Variants in SLC9C2 observed in about 807,000 individuals in gnomAD.
SLC9C2 encodes the protein solute carrier family 9 member C2 (putative).
In SLC9C2, 75 loss-of-function variants were observed where a neutral mutation model predicts 140.2. The ratio of observed to expected loss-of-function variants is 0.53; its 90% CI spans 0.44 to 0.65. The LOEUF (loss-of-function observed/expected upper bound fraction) is 0.65. Among genes scored for constraint, SLC9C2 ranks in the 30% least tolerant of loss-of-function variants. The pLI, the probability that SLC9C2 is intolerant of heterozygous loss-of-function variation, is 0.00. For missense variants in SLC9C2, 1,074 were observed against 1,331.8 expected, an observed-to-expected ratio of 0.81 and a Z score of 3.01; for synonymous variants, 375 against 420.9, an observed-to-expected ratio of 0.89 and a Z score of 1.34.
intron 9 of SLC9C2, among the ~76,000 whole-genome samples, chr1:173,572,182 T>G (rs1477290821): frequency 6.6e-6 from 1 of 152,134 alleles, no homozygotes; most frequent in Non-Finnish European, 1.5e-5. Flanking sequence ...AACACCTAAA[T>G]TATACTAGGG....
At position 173,514,786 on chromosome 1, in the gene SLC9C2, G is replaced by A. The variant is rs188571063; in HGVS notation, c.2907+2751C>T. ...ATTTGGAGTGTTTTTGCAGTGGCTGGTACCAGTTGTTCCTTTCCATATTTA... is the reference window on the plus strand; with the variant it reads ...ATTTGGAGTGTTTTTGCAGTGGCTGATACCAGTTGTTCCTTTCCATATTTA... On this transcript the variant is annotated intron_variant, in intron 23 of 27. Transcript: ENST00000367714. Among the ~76,000 whole-genome samples, 5 of 152,288 alleles carry A rather than the reference G, an allele frequency of 3.3e-5. No homozygotes were observed. In the East Asian group the frequency reaches 9.6e-4, roughly 29 times the overall value.
At chr1:173,555,322 A>G (rs1369446035) in intron 10 of SLC9C2, 1 of 152,608 alleles carries the variant, frequency 6.6e-6, no homozygotes, top group East Asian at 1.9e-4. Context: ...GAGAAAGGTA[A>G]TATTTGTAGG....
chr1:173,581,778 T>C, intron 7 of SLC9C2, 69 bp downstream of exon 7: 7 of 1,317,550 alleles, frequency 5.3e-6, no homozygotes, highest in Non-Finnish European at 7.0e-6. Flanking sequence ...GGATTCAAGA[T>C]CAGGAAAAAA....
At chr1:173,503,129 G>T (rs1659395812) in intron 27 of SLC9C2, 137 bp downstream of exon 27, 1 of 583,226 alleles carries the variant, frequency 1.7e-6, no homozygotes, top group Non-Finnish European at 2.9e-6. Flanking sequence ...ATTCTAATTT[G>T]TCCAAATTAA....
At chr1:173,527,318 C>T (rs1455619577) in intron 18 of SLC9C2, among the ~76,000 whole-genome samples, 1 of 152,124 alleles carries the variant, frequency 6.6e-6, no homozygotes, top group Non-Finnish European at 1.5e-5. Flanking sequence ...ACTACCTTGC[C>T]TAATAGTTAT....
chr1:173,538,287 T>C lies in SLC9C2; in HGVS notation c.1558-1248A>G, dbSNP rs571333736. ...TAGGATGTCCACTGTGAGAAAACTA[T>C]GTCCCAGAAGTTCAGTCCTGAGGCC... is the stretch of plus-strand genomic sequence containing the variant. On this transcript the variant is annotated intron_variant, in intron 13 of 27. Coordinates refer to ENST00000367714, the MANE Select transcript of SLC9C2 (RefSeq NM_178527.4). Among the ~76,000 whole-genome samples, 7 of 152,322 alleles carry C rather than the reference T, an allele frequency of 4.6e-5. No homozygotes were observed. In the East Asian group the frequency reaches 9.6e-4, roughly 21 times the overall value.
chr1:173,558,823 A>T (rs1044951369), intron 9 of SLC9C2, among the ~76,000 whole-genome samples: 3 of 152,164 alleles, frequency 2.0e-5, no homozygotes, highest in Admixed American at 6.5e-5. Context: ...ACCCACACAC[A>T]CTTCGAGGGC....
intron 5 of SLC9C2, among the ~76,000 whole-genome samples, chr1:173,586,988 C>A (rs185376042): frequency 2.0e-5 from 3 of 151,960 alleles, no homozygotes; most frequent in Non-Finnish European, 4.4e-5. Flanking sequence ...CACGTGTATC[C>A]CATTTTTGTT....
At chr1:173,545,635 C>T (rs749178292) in intron 13 of SLC9C2, among the ~76,000 whole-genome samples, 31 of 152,124 alleles carry the variant, frequency 2.0e-4, no homozygotes, top group Non-Finnish European at 3.5e-4. Context: ...GCCTGGATTG[C>T]AGATCATAAG....
At chr1:173,537,923 G>A (rs967535927) in intron 13 of SLC9C2, among the ~76,000 whole-genome samples, 1 of 152,108 alleles carries the variant, frequency 6.6e-6, no homozygotes, top group African/African-American at 2.4e-5. Context: ...CTCACATACT[G>A]ACCATACACT....
At chr1:173,508,723 C>T (rs1001076277) in intron 24 of SLC9C2, among the ~76,000 whole-genome samples, 2 of 152,166 alleles carry the variant, frequency 1.3e-5, no homozygotes, top group African/African-American at 4.8e-5. Flanking sequence ...CAGTTCACTT[C>T]CCCAGTTCCT....
chr1:173,583,484 T>C (rs755195762), intron 6 of SLC9C2, 22 bp downstream of exon 6: 69 of 1,313,254 alleles, frequency 5.3e-5, no homozygotes, highest in Non-Finnish European at 7.1e-5. Flanking sequence ...TTAGAAAATA[T>C]ACAGACAAAA....
intron 11 of SLC9C2, among the ~76,000 whole-genome samples, chr1:173,550,452 A>ATTTTTTTT (rs202103167): frequency 6.9e-6 from 1 of 145,560 alleles, no homozygotes; most frequent in Non-Finnish European, 1.5e-5. Context: ...TTATTTATTT[A>ATTTTTTTT]TTTTTGAGGA....
intron 8 of SLC9C2, 74 bp from the exon 9 acceptor site, chr1:173,573,399 A>G (rs1664962982): frequency 9.5e-7 from 1 of 1,053,920 alleles, no homozygotes; most frequent in Non-Finnish European, 1.3e-6. Context: ...ATATAAAATC[A>G]TATATCTTAT....
Position 173,531,725 on chromosome 1 carries a change from C to A in SLC9C2, c.2164-1671G>T, listed in dbSNP as rs185295453. ...GTAAATTCTTTTACTGCGGCGCCGC[C>A]AGCCCATAGAGCTGTCACTCCCCGT... On this transcript the variant is annotated intron_variant, in intron 17 of 27. Transcript: ENST00000367714. Among the ~76,000 whole-genome samples the A allele has an allele frequency of 1.5e-3, 225 of 152,310 alleles. 1 individual carries two copies. The highest frequency in any genetic ancestry group is 5.1e-3 in the African/African-American group (213 of 41,558).
At chr1:173,548,928 G>T (rs1166462117) in intron 11 of SLC9C2, among the ~76,000 whole-genome samples, 1 of 152,158 alleles carries the variant, frequency 6.6e-6, no homozygotes, top group African/African-American at 2.4e-5. Flanking sequence ...TACAGAATCA[G>T]ATTGGCTTGA....
intron 8 of SLC9C2, among the ~76,000 whole-genome samples, chr1:173,574,856 T>C (rs777446141): frequency 2.6e-5 from 4 of 152,082 alleles, no homozygotes; most frequent in Non-Finnish European, 5.9e-5. Context: ...CAATGGCTCA[T>C]GCATGTAATC....
At chr1:173,517,309 C>G (rs578126239) in intron 23 of SLC9C2, among the ~76,000 whole-genome samples, 3 of 152,154 alleles carry the variant, frequency 2.0e-5, no homozygotes. Flanking sequence ...ACTTCATAAA[C>G]AAGGACACTG....
At chr1:173,507,939 A>T (rs904246332) in intron 24 of SLC9C2, among the ~76,000 whole-genome samples, 6 of 152,160 alleles carry the variant, frequency 3.9e-5, no homozygotes, top group African/African-American at 1.4e-4. Flanking sequence ...CCAGGAATTT[A>T]GAGATCAGCC....
Sources: gnomAD v4.1 joint callset for allele counts (sites outside exome capture counted in the v4.1 genomes callset) on GRCh38, gnomAD v4.1.1 for gene constraint, MANE v1.5 for transcripts, NCBI Gene and HGNC (gene_info 2026-07-23, HGNC 2026-07-21) for gene names.